The following FAM117A variants were observed in gnomAD, a reference collection of about 807,000 sequenced individuals.
FAM117A encodes the protein family with sequence similarity 117 member A, also known as protein FAM117A.
In FAM117A, 21 loss-of-function variants were observed where a neutral mutation model predicts 44.1. The observed-to-expected ratio is 0.48, with a 90% CI of 0.34 to 0.69. FAM117A has a LOEUF of 0.69. Ranked by LOEUF, FAM117A falls within the 30% of genes least tolerant of loss-of-function variation. The pLI is 0.01. For missense variants in FAM117A, 498 were observed against 589.9 expected, an observed-to-expected ratio of 0.84 and a Z score of 1.61; for synonymous variants, 220 against 238.3, an observed-to-expected ratio of 0.92 and a Z score of 0.71.
intron 1 of FAM117A, among the ~76,000 whole-genome samples, chr17:49,763,371 A>T (rs972427025): frequency 6.6e-6 from 1 of 151,898 alleles, no homozygotes; most frequent in Non-Finnish European, 1.5e-5. Flanking sequence ...AGTGGTGGAG[A>T]ATGGAACTCC....
At chr17:49,779,898 G>C (rs2073784910) in intron 1 of FAM117A, among the ~76,000 whole-genome samples, 1 of 152,190 alleles carries the variant, frequency 6.6e-6, no homozygotes. Context: ...GGCAAGGCTA[G>C]GCACATAATA....
At chr17:49,787,356 T>C (rs2073818805) in intron 1 of FAM117A, among the ~76,000 whole-genome samples, 1 of 152,168 alleles carries the variant, frequency 6.6e-6, no homozygotes, top group South Asian at 2.1e-4. Context: ...CCTAAGTAGG[T>C]TATCAAAGGT....
At chr17:49,744,183 C>G (rs866554707) in intron 1 of FAM117A, among the ~76,000 whole-genome samples, 2 of 152,208 alleles carry the variant, frequency 1.3e-5, no homozygotes, top group Non-Finnish European at 2.9e-5. Flanking sequence ...GGACCTCCTG[C>G]AGATACCAAA....
At chr17:49,716,073 C>A in intron 7 of FAM117A, 92 bp downstream of exon 7, 1 of 1,419,794 alleles carries the variant, frequency 7.0e-7, no homozygotes. Context: ...GTTGACAACA[C>A]CTCTATGACA....
Position 49,764,052 on chromosome 17 carries a change from A to G in FAM117A, c.36T>C (p.Gly12=). The change falls in exon 1 of 8, where the codon GGT becomes GGC. Residue 12 remains glycine, a synonymous_variant. Transcript: ENST00000240364. The part of the protein sequence containing the change: ...AGAAAGGRGG[G]AWGPGRGGAG... ...CCCCTCCGCGCCCCGGCCCCCAGGC[A>G]CCTCCGCCTCTGCCGCCCGCTGCGG... The G allele has an allele frequency of 2.2e-6, 2 of 898,842 alleles. No homozygotes were observed. The highest frequency in any genetic ancestry group is 2.7e-6 in the Non-Finnish European group (2 of 744,374). 55.7% of individuals were successfully genotyped at this position (898,842 alleles called of 1,614,324 possible). A position where few individuals can be genotyped will look rare whatever the true frequency, so the allele number is the denominator to read the frequency against.
chr17:49,736,455 C>T (rs2073611255), intron 1 of FAM117A, among the ~76,000 whole-genome samples: 1 of 152,082 alleles, frequency 6.6e-6, no homozygotes, highest in Admixed American at 6.5e-5. Flanking sequence ...GACAGGGTTT[C>T]ACCATGGTCT....
Position 49,720,360 on chromosome 17 carries a change from A to C in FAM117A, c.539T>G (p.Leu180Arg), listed in dbSNP as rs1414374627. 1.2e-6 allele frequency: 2 copies of C among 1,613,888 alleles called. No individual in the cohort carries two copies. Among genetic ancestry groups the C allele is most frequent in the Admixed American group, 3.3e-5 (2 of 60,016 alleles). Residue 180 changes from leucine to arginine, a missense_variant, in exon 4 of 8, where the codon CTC becomes CGC. Coordinates refer to ENST00000240364, the MANE Select transcript of FAM117A (RefSeq NM_030802.4). Reference sequence around the variant, plus strand: ...TCCCCGCACTGCGTGGTCCCCTAGGAGTGGTGAACCTCGCTCCTTCTCTTT... The same window carrying C: ...TCCCCGCACTGCGTGGTCCCCTAGGCGTGGTGAACCTCGCTCCTTCTCTTT... ...SGKEKERGSP[L>R]LGDHAVRGAL...
Position 49,764,121 on chromosome 17 carries a change from G to A in FAM117A, c.-34C>T. The A allele has an allele frequency of 1.7e-6, 2 of 1,152,148 alleles. No individual in the cohort carries two copies. The highest frequency in any genetic ancestry group is 2.2e-6 in the Non-Finnish European group (2 of 899,174). The allele number at this position is 1,152,148 out of a possible 1,614,324, so 71.4% of individuals were successfully genotyped here. On this transcript the variant is annotated 5_prime_UTR_variant, in exon 1 of 8. Coordinates refer to ENST00000240364, the MANE Select transcript of FAM117A (RefSeq NM_030802.4). Reference sequence around the variant, plus strand: ...CGGCTGCCTGCCTCAGCCCCACTGCGAGACTCACACAGCCCCCCAACCCCC... The same window carrying A: ...CGGCTGCCTGCCTCAGCCCCACTGCAAGACTCACACAGCCCCCCAACCCCC...
rs893787498 is a variant in FAM117A at position 49,764,128 on chromosome 17, A to C, written c.-41T>G. ...CTGCCTCAGCCCCACTGCGAGACTC[A>C]CACAGCCCCCCAACCCCCGAGGCCG... On this transcript the variant is annotated 5_prime_UTR_variant, in exon 1 of 8. Transcript: ENST00000240364. 9.4e-7 allele frequency: 1 copy of C among 1,066,678 alleles called. No homozygotes were observed. Among genetic ancestry groups the C allele is most frequent in the Non-Finnish European group, 1.2e-6 (1 of 823,010 alleles). The allele number at this position is 1,066,678 out of a possible 1,614,324, so 66.1% of individuals were successfully genotyped here.
intron 5 of FAM117A, among the ~76,000 whole-genome samples, chr17:49,718,964 G>A (rs1195677194): frequency 3.1e-5 from 4 of 127,016 alleles, no homozygotes; most frequent in Admixed American, 8.2e-5. Context: ...CGACCAGAGC[G>A]AGACTCTCCA....
upstream of FAM117A, chr17:49,788,845 G>A (rs778947900): frequency 2.5e-6 from 4 of 1,589,650 alleles, no homozygotes; most frequent in East Asian, 2.3e-5. Flanking sequence ...ATGCCGCGAA[G>A]GAAGGTGAGA....
At chr17:49,760,079 T>C (rs1191750988) in intron 1 of FAM117A, among the ~76,000 whole-genome samples, 1 of 152,172 alleles carries the variant, frequency 6.6e-6, no homozygotes, top group Non-Finnish European at 1.5e-5. Context: ...TTTATATAAA[T>C]TCAAATTAGC....
intron 7 of FAM117A, among the ~76,000 whole-genome samples, chr17:49,715,288 G>A (rs767358333): frequency 9.2e-5 from 14 of 152,112 alleles, no homozygotes; most frequent in Non-Finnish European, 1.6e-4. Flanking sequence ...TGTACCTTCG[G>A]CTGCCACCAT....
intron 1 of FAM117A, chr17:49,788,406 C>A: frequency 7.5e-6 from 1 of 133,748 alleles, no homozygotes. Flanking sequence ...GAAATTTTGC[C>A]CAAGGTAAAG....
chr17:49,732,475 G>A, intron 2 of FAM117A, 76 bp downstream of exon 2: 1 of 1,397,900 alleles, frequency 7.2e-7, no homozygotes, highest in East Asian at 2.3e-5. Flanking sequence ...ATGACTTGAG[G>A]AAGACCAAAG....
At chr17:49,768,090 G>A (rs1392858071), upstream of FAM117A, among the ~76,000 whole-genome samples, 2 of 152,080 alleles carry the variant, frequency 1.3e-5, no homozygotes, top group African/African-American at 4.8e-5. Flanking sequence ...TTTCCTACAG[G>A]TGTAAGTCAG....
chr17:49,752,307 A>C (rs186675385), intron 1 of FAM117A, among the ~76,000 whole-genome samples: 77 of 152,214 alleles, frequency 5.1e-4, no homozygotes, highest in African/African-American at 1.8e-3. Flanking sequence ...CTCCACTTTC[A>C]GTTAACCTAA....
At position 49,722,312 on chromosome 17, in the gene FAM117A, G is replaced by A. The variant is rs1427141376; in HGVS notation, c.462+187C>T. On this transcript the variant is annotated intron_variant, in intron 3 of 7. Coordinates refer to ENST00000240364, the MANE Select transcript of FAM117A (RefSeq NM_030802.4). ...AGCCCCTGCCTAGCAGGAGGGTCTG[G>A]GCTCCTAAGACCTGGCCACTTGGAG... Among the ~76,000 whole-genome samples, 9 of 152,198 alleles carry A rather than the reference G, an allele frequency of 5.9e-5. 2 individuals are homozygous for A. In the South Asian group the frequency reaches 1.9e-3, roughly 32 times the overall value.
At chr17:49,784,374 C>T (rs1452099299) in intron 1 of FAM117A, among the ~76,000 whole-genome samples, 3 of 152,176 alleles carry the variant, frequency 2.0e-5, no homozygotes, top group African/African-American at 7.2e-5. Flanking sequence ...CTGATCAGTG[C>T]CCTTCACAGC....
Sources: gnomAD v4.1 joint callset for allele counts (sites outside exome capture counted in the v4.1 genomes callset) on GRCh38, gnomAD v4.1.1 for gene constraint, MANE v1.5 for transcripts, NCBI Gene and HGNC (gene_info 2026-07-23, HGNC 2026-07-21) for gene names.